Variants in EYS observed in about 807,000 individuals in gnomAD.
EYS encodes the protein protein eyes shut homolog.
EYS carries 250 observed loss-of-function variants against 282.1 expected under a neutral mutation model. That is an observed-to-expected ratio of 0.89 (90% CI 0.80 to 0.98). EYS has a LOEUF of 0.98. EYS is among the 50% of genes least tolerant of loss of function. EYS has a pLI of 0.00. For synonymous variants in EYS, 1,355 were observed against 1,282.9 expected (o/e 1.06, Z -1.20); for missense variants, 4,016 against 3,709.0 (o/e 1.08, Z -2.15).
chr6:64,867,641 A>ATGTTACT (rs953258747), intron 19 of EYS, among the ~76,000 whole-genome samples: 1 of 151,650 alleles, frequency 6.6e-6, no homozygotes, highest in African/African-American at 2.4e-5. Flanking sequence ...TATGTTCTAG[A>ATGTTACT]TGTTACTTGT....
chr6:64,470,721 T>A (rs996492426), intron 26 of EYS, among the ~76,000 whole-genome samples: 1 of 152,148 alleles, frequency 6.6e-6, no homozygotes, highest in African/African-American at 2.4e-5. Flanking sequence ...TTGGACTAGC[T>A]TAAGCAGAAG....
Position 63,762,403 on chromosome 6 carries a change from A to G in EYS, c.8071+58T>C, listed in dbSNP as rs1311938205. The stretch of plus-strand genomic sequence containing the variant: ...CTTCTCAAAAAGAAAACTGACTTTG[A>G]AGTTCCTAATTTTAGTTATATTTGT... On this transcript the variant is annotated intron_variant, in intron 41 of 42. Coordinates refer to ENST00000503581, the MANE Select transcript of EYS (RefSeq NM_001142800.2). 6.1e-6 allele frequency: 9 copies of G among 1,480,652 alleles called. No individual in the cohort carries two copies. In the East Asian group the frequency reaches 7.4e-5, roughly 12 times the overall value. 91.7% of individuals were successfully genotyped at this position (1,480,652 alleles called of 1,614,324 possible).
intron 8 of EYS, among the ~76,000 whole-genome samples, chr6:65,358,555 G>T (rs1159669973): frequency 6.6e-6 from 1 of 150,474 alleles, no homozygotes; most frequent in Admixed American, 6.7e-5. Context: ...TATTTGGCAT[G>T]CCATGAGAGA....
At chr6:65,020,127 C>G (rs543653648) in intron 13 of EYS, among the ~76,000 whole-genome samples, 1 of 152,232 alleles carries the variant, frequency 6.6e-6, no homozygotes, top group East Asian at 1.9e-4. Flanking sequence ...ACCCTGGCCC[C>G]TCCCAAATCT....
intron 28 of EYS, among the ~76,000 whole-genome samples, chr6:64,391,429 G>A (rs55853327): frequency 0.045 from 6,794 of 152,022 alleles, 342 homozygotes; most frequent in African/African-American, 0.13. Context: ...CAGATCTCTC[G>A]GCAGAAACCC....
intron 31 of EYS, among the ~76,000 whole-genome samples, chr6:64,196,208 C>A (rs1490478621): frequency 2.6e-5 from 4 of 152,198 alleles, no homozygotes; most frequent in Non-Finnish European, 4.4e-5. Flanking sequence ...CATCTCACAC[C>A]AGTTAGAATG....
At chr6:65,616,217 G>T (rs998949380) in intron 2 of EYS, among the ~76,000 whole-genome samples, 1 of 152,060 alleles carries the variant, frequency 6.6e-6, no homozygotes, top group Non-Finnish European at 1.5e-5. Context: ...CATTTTTCTA[G>T]TGTTAATAGT....
At chr6:64,964,667 C>A (rs988640415) in intron 14 of EYS, among the ~76,000 whole-genome samples, 1 of 152,046 alleles carries the variant, frequency 6.6e-6, no homozygotes, top group African/African-American at 2.4e-5. Context: ...TAAAATATGT[C>A]TTTTTGCCTA....
intron 34 of EYS, 111 bp from the exon 35 acceptor site, chr6:63,984,714 T>A: frequency 1.1e-6 from 1 of 895,178 alleles, no homozygotes. Context: ...TTTTTCTGTG[T>A]AAAAGAGGTT....
chr6:65,043,452 A>T (rs1035205347), intron 13 of EYS, among the ~76,000 whole-genome samples: 5 of 151,486 alleles, frequency 3.3e-5, no homozygotes, highest in African/African-American at 1.2e-4. Flanking sequence ...GTACTTTATT[A>T]TTCACTGTAG....
intron 7 of EYS, among the ~76,000 whole-genome samples, chr6:65,386,063 T>C (rs548349427): frequency 1.3e-5 from 2 of 151,902 alleles, no homozygotes; most frequent in South Asian, 4.2e-4. Context: ...ATCAGGTCTA[T>C]GAATTGAAGA....
intron 33 of EYS, among the ~76,000 whole-genome samples, chr6:64,010,059 G>C (rs1264080184): frequency 3.3e-5 from 5 of 150,538 alleles, no homozygotes; most frequent in East Asian, 3.9e-4. Flanking sequence ...AACTCTGGGG[G>C]GTGGGGCTGG....
intron 26 of EYS, among the ~76,000 whole-genome samples, chr6:64,493,602 C>T (rs1019211439): frequency 6.6e-6 from 1 of 151,518 alleles, no homozygotes; most frequent in African/African-American, 2.4e-5. Context: ...ATGTTCTCCT[C>T]CCTTTTGTAA....
chr6:64,879,797 G>C (rs1159822750), intron 19 of EYS, among the ~76,000 whole-genome samples: 1 of 151,990 alleles, frequency 6.6e-6, no homozygotes, highest in Non-Finnish European at 1.5e-5. Context: ...ATTTGGTTAG[G>C]GGGATAGGGA....
At chr6:64,759,493 C>T (rs953792121) in intron 22 of EYS, among the ~76,000 whole-genome samples, 5 of 152,058 alleles carry the variant, frequency 3.3e-5, no homozygotes, top group African/African-American at 1.2e-4. Context: ...ATTGTATAAG[C>T]AAAATCATCC....
intron 26 of EYS, among the ~76,000 whole-genome samples, chr6:64,562,100 T>C (rs1192812284): frequency 2.0e-5 from 3 of 151,808 alleles, no homozygotes; most frequent in Non-Finnish European, 2.9e-5. Context: ...AAAACAATAT[T>C]AATTGAATGA....
chr6:65,268,251 A>C (rs1470017212), intron 12 of EYS, among the ~76,000 whole-genome samples: 1 of 152,076 alleles, frequency 6.6e-6, no homozygotes, highest in Non-Finnish European at 1.5e-5. Flanking sequence ...CAGCAATTTA[A>C]GATATTTGAT....
chr6:63,920,858 A>T (rs1455639754), intron 35 of EYS, among the ~76,000 whole-genome samples: 1 of 151,246 alleles, frequency 6.6e-6, no homozygotes, highest in African/African-American at 2.4e-5. Context: ...TAAGGCCCTC[A>T]CACCATCCTA....
At chr6:63,734,039 C>T (rs1215303035) in intron 41 of EYS, among the ~76,000 whole-genome samples, 4 of 152,118 alleles carry the variant, frequency 2.6e-5, no homozygotes, top group Non-Finnish European at 5.9e-5. Flanking sequence ...AAACCAAATA[C>T]TGTGTGTTCT....
Sources: allele counts gnomAD v4.1 joint callset (sites outside exome capture counted in the v4.1 genomes callset), GRCh38; gene constraint gnomAD v4.1.1; transcripts MANE v1.5; gene names NCBI Gene and HGNC (gene_info 2026-07-23, HGNC 2026-07-21).